HCN2: variants seen among roughly 807,000 people sequenced by gnomAD.
HCN2 encodes potassium/sodium hyperpolarization-activated cyclic nucleotide-gated channel 2.
In HCN2, 20 loss-of-function variants were observed where a neutral mutation model predicts 52.3. The observed-to-expected ratio is 0.38, with a 90% CI of 0.27 to 0.56. HCN2 has a LOEUF of 0.56. Ranked by LOEUF, HCN2 falls within the 20% of genes least tolerant of loss-of-function variation. HCN2 has a pLI of 0.71. For missense variants in HCN2, 981 were observed against 1,207.7 expected, an observed-to-expected ratio of 0.81 and a Z score of 2.78; for synonymous variants, 694 against 537.0, an observed-to-expected ratio of 1.29 and a Z score of -4.04.
At chr19:609,648 C>G (rs766688903) in intron 4 of HCN2, among the ~76,000 whole-genome samples, 17 of 152,224 alleles carry the variant, frequency 1.1e-4, no homozygotes, top group Admixed American at 2.6e-4. Context: ...CACCTGTAAT[C>G]CCCACTACTC....
intron 7 of HCN2, among the ~76,000 whole-genome samples, chr19:614,373 A>G (rs1167421106): frequency 6.6e-6 from 1 of 152,250 alleles, no homozygotes; most frequent in East Asian, 1.9e-4. Context: ...CTGGGGGTGC[A>G]GGGGACAGAC....
chr19:611,507 G>A lies in HCN2; in HGVS notation c.1584+1102G>A, dbSNP rs143376164. The stretch of plus-strand genomic sequence containing the variant: ...GGACGGGCCTGACACTAGGGACCTC[G>A]GGCCCCGGGAATGCCTCTGGGGGGG... On this transcript the variant is annotated intron_variant, in intron 5 of 7. Coordinates refer to ENST00000251287, the MANE Select transcript of HCN2 (RefSeq NM_001194.4). Among the ~76,000 whole-genome samples the A allele has an allele frequency of 3.8e-3, 583 of 152,316 alleles. 2 individuals carry two copies. The highest frequency in any genetic ancestry group is 0.01 in the African/African-American group (431 of 41,578).
intron 4 of HCN2, among the ~76,000 whole-genome samples, chr19:609,174 G>A (rs1333889106): frequency 1.3e-5 from 2 of 152,164 alleles, no homozygotes; most frequent in Non-Finnish European, 2.9e-5. Flanking sequence ...GCCACCACCC[G>A]CCCGCCGTCA....
At chr19:600,363 A>T (rs1488993854) in intron 1 of HCN2, among the ~76,000 whole-genome samples, 3 of 150,562 alleles carry the variant, frequency 2.0e-5, no homozygotes, top group African/African-American at 7.4e-5. Context: ...ATTTTTTGAG[A>T]TGGGGTCTCA....
At chr19:615,553 G>C (rs896891076) in intron 7 of HCN2, among the ~76,000 whole-genome samples, 5 of 152,240 alleles carry the variant, frequency 3.3e-5, no homozygotes, top group African/African-American at 1.2e-4. Context: ...TCTGTATGCA[G>C]GTGCTTCATG....
rs1356786673 is a variant in HCN2, at chr19:590,320, C to G, written c.375C>G (p.Phe125Leu). 9.8e-7 allele frequency: 1 copy of G among 1,020,162 alleles called. No individual in the cohort carries two copies. The highest frequency in any genetic ancestry group is 1.2e-6 in the Non-Finnish European group (1 of 855,390). The allele number at this position is 1,020,162 out of a possible 1,614,324, so 63.2% of individuals were successfully genotyped here. Residue 125 changes from phenylalanine to leucine, a missense_variant, in exon 1 of 8, where the codon TTC (phenylalanine) becomes TTG (leucine). Physicochemically the swap from Phe to Leu is conservative, Grantham distance 22 (BLOSUM62 0). Transcript: ENST00000251287. This position sits in a 1 kb window ranked among gnomAD's most constrained non-coding sequence, Gnocchi z 7.2. Reference sequence around the variant, plus strand: ...CGGCGCGGGGGCCCAAGGTGTCGTTCTCGTGCCGCGGGGCGGCCTCGGGGC... The same window carrying G: ...CGGCGCGGGGGCCCAAGGTGTCGTTGTCGTGCCGCGGGGCGGCCTCGGGGC... ...EGPARGPKVS[F>L]SCRGAASGPA...
chr19:617,107 C>A lies in HCN2; in HGVS notation c.*633C>A. The A allele has an allele frequency of 1.8e-6, 1 of 545,170 alleles. No individual in the cohort carries two copies. Among genetic ancestry groups the A allele is most frequent in the Non-Finnish European group, 3.3e-6 (1 of 305,998 alleles). The allele number at this position is 545,170 out of a possible 1,614,324, so 33.8% of individuals were successfully genotyped here. A position where few individuals can be genotyped will look rare whatever the true frequency, so the allele number is the denominator to read the frequency against. Reference sequence around the variant, plus strand: ...TGCCCCCACCGTGGCCCCCCACGCCCCATTAACCCCCACACCCCCATTCCG... The same window carrying A: ...TGCCCCCACCGTGGCCCCCCACGCCACATTAACCCCCACACCCCCATTCCG... On this transcript the variant is annotated 3_prime_UTR_variant, in exon 8 of 8. Transcript: ENST00000251287.
chr19:603,292 G>GGT (rs1217459184), intron 1 of HCN2, among the ~76,000 whole-genome samples: 15 of 125,082 alleles, frequency 1.2e-4, no homozygotes, highest in South Asian at 6.6e-4. Context: ...CTGAGGTGTG[G>GGT]GCACCCTCGC....
At chr19:608,490 G>A (rs925805764) in intron 4 of HCN2, among the ~76,000 whole-genome samples, 1 of 152,046 alleles carries the variant, frequency 6.6e-6, no homozygotes, top group Non-Finnish European at 1.5e-5. Context: ...GACCCTGGGG[G>A]TCTGTGGCTG....
Position 613,502 on chromosome 19 carries a change from G to T in HCN2, c.1825+14G>T. Reference sequence around the variant, plus strand: ...CCTACTTCGGGGGTGAGCTTGAGGGGGGCGCGCCTGGAGGGGGAGGGGGCA... The same window carrying T: ...CCTACTTCGGGGGTGAGCTTGAGGGTGGCGCGCCTGGAGGGGGAGGGGGCA... On this transcript the variant is annotated intron_variant, in intron 6 of 7. Transcript: ENST00000251287. The T allele has an allele frequency of 1.9e-6, 3 of 1,576,114 alleles. No homozygotes were observed. Among genetic ancestry groups the T allele is most frequent in the African/African-American group, 1.4e-5 (1 of 72,468 alleles).
At position 615,878 on chromosome 19, in the gene HCN2, CAGG is replaced by C; in HGVS notation, c.2077_2079del (p.Glu693del). 6.2e-7 allele frequency: 1 copy of C among 1,613,030 alleles called. No individual in the cohort carries two copies. The highest frequency in any genetic ancestry group is 8.5e-7 in the Non-Finnish European group (1 of 1,179,900). On this transcript the variant is annotated inframe_deletion, in exon 8 of 8. Coordinates refer to ENST00000251287, the MANE Select transcript of HCN2 (RefSeq NM_001194.4). The stretch of plus-strand genomic sequence containing the variant: ...CAACAACCAGGAGAACGCCATCATC[CAGG>C]AGATCGTCAAGTACGACCGCGAGAT...
rs754613214 is a variant in HCN2 at position 613,916 on chromosome 19, C to T, written c.1890C>T (p.Leu630=). ...ASVRADTYCR[L]YSLSVDNFNE... is the part of the protein sequence containing the mutation. Reference sequence around the variant, plus strand: ...TGCGGGCTGACACCTACTGCCGCCTCTATTCGCTGAGCGTGGACAACTTCA... The same window carrying T: ...TGCGGGCTGACACCTACTGCCGCCTTTATTCGCTGAGCGTGGACAACTTCA... The change falls in exon 7 of 8, where the codon CTC becomes CTT. Residue 630 remains leucine (L), a synonymous_variant. Transcript: ENST00000251287. 7 of 1,603,720 alleles carry T rather than the reference C, an allele frequency of 4.4e-6. No homozygotes were observed. Among genetic ancestry groups the T allele is most frequent in the South Asian group, 1.1e-5 (1 of 90,462 alleles).
At position 592,331 on chromosome 19, in the gene HCN2, C is replaced by T. The variant is rs567632235; in HGVS notation, c.632+1754C>T. On this transcript the variant is annotated intron_variant, in intron 1 of 7. Transcript: ENST00000251287. This position sits in a 1 kb window ranked among gnomAD's most constrained non-coding sequence, Gnocchi z 4.8. ...CACTCCCTCCCCTGGGCAGCTCCAG[C>T]GACCCCCTGGCTGCAGAGGGGCGGT... Among the ~76,000 whole-genome samples, 20 of 152,308 alleles carry T rather than the reference C, an allele frequency of 1.3e-4. No homozygotes were observed. The highest frequency in any genetic ancestry group is 1.9e-4 in the African/African-American group (8 of 41,570).
At chr19:604,997 T>G (rs1037842331) in intron 2 of HCN2, 64 bp from the exon 3 acceptor site, 1 of 1,275,804 alleles carries the variant, frequency 7.8e-7, no homozygotes, top group Non-Finnish European at 1.0e-6. Context: ...CGCACGGGGC[T>G]GGGGCTCTGA....
chr19:613,663 G>GGGGATA (rs1983759397), intron 6 of HCN2, among the ~76,000 whole-genome samples, 175 bp downstream of exon 6: 2 of 96,966 alleles, frequency 2.1e-5, no homozygotes, highest in Non-Finnish European at 4.2e-5. Context: ...GGATGGGGCC[G>GGGGATA]GGGATGGGGA....
At position 590,990 on chromosome 19, in the gene HCN2, G is replaced by A. The variant is rs557874060; in HGVS notation, c.632+413G>A. ...GCGCCCCAGGGAGGCCGGGGGAGAGGGGGTTAAGCGGCTCCCACGGCGTCC... is the reference window on the plus strand; with the variant it reads ...GCGCCCCAGGGAGGCCGGGGGAGAGAGGGTTAAGCGGCTCCCACGGCGTCC... On this transcript the variant is annotated intron_variant, in intron 1 of 7. Coordinates refer to ENST00000251287, the MANE Select transcript of HCN2 (RefSeq NM_001194.4). The surrounding 1 kb of genome is among the most constrained non-coding windows in gnomAD (Gnocchi z 7.2). 6.5e-6 allele frequency: 1 copy of A among 153,266 alleles called. No individual in the cohort carries two copies. Among genetic ancestry groups the A allele is most frequent in the South Asian group, 2.1e-4 (1 of 4,846 alleles). The allele number at this position is 153,266 out of a possible 1,614,324, so 9.5% of individuals were successfully genotyped here.
intron 7 of HCN2, among the ~76,000 whole-genome samples, chr19:615,185 A>G (rs546710055): frequency 7.2e-5 from 11 of 152,102 alleles, no homozygotes; most frequent in Non-Finnish European, 1.6e-4. Flanking sequence ...GTGCACAGTG[A>G]TACCTGCTCC....
chr19:595,228 C>T (rs1260226932), intron 1 of HCN2, among the ~76,000 whole-genome samples: 1 of 151,906 alleles, frequency 6.6e-6, no homozygotes, highest in Non-Finnish European at 1.5e-5. Flanking sequence ...CCTAAAAACC[C>T]ACATATTCAA....
At chr19:612,356 A>C (rs1311829536) in intron 5 of HCN2, among the ~76,000 whole-genome samples, 1 of 151,104 alleles carries the variant, frequency 6.6e-6, no homozygotes, top group Non-Finnish European at 1.5e-5. Context: ...ATTTTTCAAA[A>C]ATCACCTGAT....
Sources: gnomAD v4.1 joint callset for allele counts (sites outside exome capture counted in the v4.1 genomes callset) on GRCh38, gnomAD v4.1.1 for gene constraint, Gnocchi (gnomAD v3.1) non-coding constraint, MANE v1.5 for transcripts, NCBI Gene and HGNC (gene_info 2026-07-23, HGNC 2026-07-21) for gene names.